The following TRPM3 variants were observed in gnomAD, a reference collection of about 807,000 sequenced individuals.
TRPM3 encodes the protein long transient receptor potential channel 3.
TRPM3 carries 77 observed loss-of-function variants against 181.2 expected under a neutral mutation model. That is an observed-to-expected ratio of 0.42 (90% CI 0.35 to 0.51). The LOEUF is 0.51. Among genes scored for constraint, TRPM3 ranks in the 20% least tolerant of loss-of-function variants. The pLI, the probability that TRPM3 is intolerant of heterozygous loss-of-function variation, is 0.01. For missense variants in TRPM3, 1,759 were observed against 2,196.7 expected (o/e 0.80, Z 3.98); for synonymous variants, 745 against 796.4 (o/e 0.94, Z 1.09).
intron 25 of TRPM3, among the ~76,000 whole-genome samples, chr9:70,539,718 A>G (rs2042775914): frequency 6.6e-6 from 1 of 152,224 alleles, no homozygotes; most frequent in South Asian, 2.1e-4. Flanking sequence ...AAAATTACTT[A>G]CAATAACAAG....
In TRPM3 at chr9:71,214,795, C is replaced by T. The variant is rs575481233; in HGVS notation, c.183+231858G>A. Among the ~76,000 whole-genome samples the T allele has an allele frequency of 4.6e-5, 7 of 152,162 alleles. No individual in the cohort carries two copies. The South Asian group carries it at 1.2e-3, about 27-fold the overall frequency. Reference sequence around the variant, plus strand: ...GTATTCTTATAATTCCATATCTCTACTTCTGTCAATTTCTCTGCCTGTAAC... The same window carrying T: ...GTATTCTTATAATTCCATATCTCTATTTCTGTCAATTTCTCTGCCTGTAAC... On this transcript the variant is annotated intron_variant, in intron 1 of 24. Transcript: ENST00000357533.
intron 1 of TRPM3, among the ~76,000 whole-genome samples, chr9:71,274,882 G>T (rs575965569): frequency 5.7e-4 from 86 of 152,092 alleles, no homozygotes; most frequent in African/African-American, 2.0e-3. Context: ...AATTTCTTAG[G>T]GACTTAAGTG....
At chr9:70,569,787 G>C (rs1206902068) in intron 22 of TRPM3, among the ~76,000 whole-genome samples, 1 of 152,196 alleles carries the variant, frequency 6.6e-6, no homozygotes, top group African/African-American at 2.4e-5. Context: ...CAGCTGGGTA[G>C]AGCAGGGCCA....
At chr9:70,840,585 A>C (rs1295030286) in intron 5 of TRPM3, among the ~76,000 whole-genome samples, 2 of 152,122 alleles carry the variant, frequency 1.3e-5, no homozygotes, top group Non-Finnish European at 2.9e-5. Flanking sequence ...TTCTAGTTGC[A>C]TACAACCAAG....
Position 70,625,358 on chromosome 9 carries a change from A to G in TRPM3, c.1669-27T>C, listed in dbSNP as rs776530753. On this transcript the variant is annotated intron_variant, in intron 13 of 25. Transcript: ENST00000677713. The surrounding 1 kb of genome is among the most constrained non-coding windows in gnomAD (Gnocchi z 4.8). ...TATCAGGGTAGAATGAAACAAACAG[A>G]CAAATCCAAAAGACAACGTGGTTTA... 8.1e-6 allele frequency: 13 copies of G among 1,613,400 alleles called. No homozygotes were observed. The highest frequency in any genetic ancestry group is 1.0e-5 in the Non-Finnish European group (12 of 1,179,580).
intron 1 of TRPM3, among the ~76,000 whole-genome samples, chr9:71,128,794 T>TA (rs952928633): frequency 6.6e-6 from 1 of 152,232 alleles, no homozygotes; most frequent in African/African-American, 2.4e-5. Context: ...CAGCATTCAC[T>TA]ATTAACAGTG....
At chr9:70,811,085 G>A (rs545813603) in intron 6 of TRPM3, 3 of 1,109,700 alleles carry the variant, frequency 2.7e-6, no homozygotes, top group African/African-American at 3.2e-5. Context: ...GATACTGTTA[G>A]GAAATTATAA....
chr9:71,383,451 G>T (rs917086491), intron 1 of TRPM3, among the ~76,000 whole-genome samples: 1 of 152,112 alleles, frequency 6.6e-6, no homozygotes, highest in African/African-American at 2.4e-5. Flanking sequence ...AGACTGAAAG[G>T]GTGGAGAGAG....
chr9:71,351,175 C>T (rs1320282114), intron 1 of TRPM3, among the ~76,000 whole-genome samples: 1 of 152,154 alleles, frequency 6.6e-6, no homozygotes. Flanking sequence ...TTGTTTGGCC[C>T]TGTTACTAAA....
At chr9:71,431,730 A>G (rs1156429878) in intron 1 of TRPM3, among the ~76,000 whole-genome samples, 1 of 152,208 alleles carries the variant, frequency 6.6e-6, no homozygotes, top group African/African-American at 2.4e-5. Flanking sequence ...TTCATCTTCC[A>G]TAACTTGTGC....
chr9:70,940,960 C>T (rs905465728), intron 1 of TRPM3, among the ~76,000 whole-genome samples: 2 of 152,188 alleles, frequency 1.3e-5, no homozygotes, highest in African/African-American at 4.8e-5. Context: ...AAATAATGAA[C>T]ATTTTATTAT....
intron 1 of TRPM3, among the ~76,000 whole-genome samples, chr9:71,242,356 ACT>A (rs1247041426): frequency 2.0e-5 from 3 of 152,128 alleles, no homozygotes; most frequent in Non-Finnish European, 4.4e-5. Flanking sequence ...CCCACAGAAC[ACT>A]CTGTATAACT....
At chr9:71,009,831 T>C (rs1052190445) in intron 1 of TRPM3, among the ~76,000 whole-genome samples, 2 of 152,058 alleles carry the variant, frequency 1.3e-5, no homozygotes, top group African/African-American at 4.8e-5. Flanking sequence ...TCCAAATACA[T>C]TACAAAGCTA....
chr9:70,781,351 A>G (rs996550831), intron 7 of TRPM3, among the ~76,000 whole-genome samples: 1 of 145,002 alleles, frequency 6.9e-6, no homozygotes, highest in Non-Finnish European at 1.5e-5. Context: ...AAAAAAAAAG[A>G]AAACATGATA....
intron 25 of TRPM3, among the ~76,000 whole-genome samples, chr9:70,549,113 G>A (rs2131806468): frequency 6.6e-6 from 1 of 152,200 alleles, no homozygotes; most frequent in South Asian, 2.1e-4. Context: ...AGAAGGTGTT[G>A]GGCACCCATA....
At chr9:71,352,354 A>G (rs1199245619) in intron 1 of TRPM3, among the ~76,000 whole-genome samples, 1 of 152,234 alleles carries the variant, frequency 6.6e-6, no homozygotes, top group East Asian at 1.9e-4. Flanking sequence ...CAAATATAGT[A>G]TAACTTCATA....
At chr9:70,953,538 A>C (rs917403271) in intron 1 of TRPM3, among the ~76,000 whole-genome samples, 1 of 152,178 alleles carries the variant, frequency 6.6e-6, no homozygotes, top group Non-Finnish European at 1.5e-5. Flanking sequence ...ATTTTTGAGA[A>C]ACTTGATTAT....
At chr9:70,572,215 T>C (rs1221548075) in intron 22 of TRPM3, among the ~76,000 whole-genome samples, 1 of 152,192 alleles carries the variant, frequency 6.6e-6, no homozygotes, top group Non-Finnish European at 1.5e-5. Flanking sequence ...TGCTTTCCTA[T>C]GCTTTTTGTC....
chr9:71,136,766 C>G (rs1267350802), intron 1 of TRPM3, among the ~76,000 whole-genome samples: 2 of 152,050 alleles, frequency 1.3e-5, no homozygotes, highest in Non-Finnish European at 2.9e-5. Flanking sequence ...AGTTCAGCCA[C>G]AGAAGTAAGA....
Sources: allele counts gnomAD v4.1 joint callset (sites outside exome capture counted in the v4.1 genomes callset), GRCh38; gene constraint gnomAD v4.1.1; non-coding constraint Gnocchi (gnomAD v3.1); transcripts MANE v1.5; gene names NCBI Gene and HGNC (gene_info 2026-07-23, HGNC 2026-07-21).